CCDC88A: variants seen among roughly 807,000 people sequenced by gnomAD.
CCDC88A encodes the protein girdin.
CCDC88A carries 54 observed loss-of-function variants against 234.3 expected under a neutral mutation model. That is an observed-to-expected ratio of 0.23 (90% CI 0.19 to 0.29). The LOEUF is 0.29. Among genes scored for constraint, CCDC88A ranks in the 10% least tolerant of loss-of-function variants. The probability of loss-of-function intolerance (pLI) is 1.00; values close to 1 mark genes in which losing one functional copy is unlikely to be tolerated. For missense variants in CCDC88A, 1,832 were observed against 2,123.4 expected (o/e 0.86, Z 2.70); for synonymous variants, 753 against 737.8 (o/e 1.02, Z -0.33).
intron 9 of CCDC88A, 34 bp downstream of exon 9, chr2:55,349,484 G>C: frequency 7.9e-6 from 11 of 1,390,704 alleles, no homozygotes; most frequent in Non-Finnish European, 1.1e-5. Context: ...CAATTACTTG[G>C]TGGTCCTAAA....
chr2:55,375,520 T>C (rs1206514767), intron 3 of CCDC88A, among the ~76,000 whole-genome samples: 3 of 85,366 alleles, frequency 3.5e-5, no homozygotes, highest in African/African-American at 1.1e-4. Context: ...TATGTATGTA[T>C]GTATAAATAT....
intron 2 of CCDC88A, chr2:55,417,285 C>T (rs990056545): frequency 6.6e-6 from 1 of 151,930 alleles, no homozygotes; most frequent in African/African-American, 2.4e-5. Flanking sequence ...TTTGTGAACA[C>T]ACATTTTTAG....
rs1384089457 is a variant in CCDC88A at position 55,317,880 on chromosome 2, AGTTCAT to A, written c.3325-45_3325-40del. ...TATTGTTATCAGACATAAGAAAAACAGTTCATGTTCTTTTTCAAAATACAAGATTAC... is the reference window on the plus strand; with the variant it reads ...TATTGTTATCAGACATAAGAAAAACAGTTCTTTTTCAAAATACAAGATTAC... On this transcript the variant is annotated intron_variant, in intron 19 of 32. Coordinates refer to ENST00000436346, the MANE Select transcript of CCDC88A (RefSeq NM_001365480.1). This position sits in a 1 kb window ranked among gnomAD's most constrained non-coding sequence, Gnocchi z 4.2. 4 of 1,366,928 alleles carry A rather than the reference AGTTCAT, an allele frequency of 2.9e-6. No individual in the cohort carries two copies. Among genetic ancestry groups the A allele is most frequent in the Non-Finnish European group, 3.0e-6 (3 of 1,000,746 alleles). The allele number at this position is 1,366,928 out of a possible 1,614,324, so 84.7% of individuals were successfully genotyped here.
At chr2:55,405,530 C>T (rs1015164197) in intron 2 of CCDC88A, 3 of 152,254 alleles carry the variant, frequency 2.0e-5, no homozygotes, top group Admixed American at 6.5e-5. Context: ...AGTCAGTATA[C>T]ACATTCAGTA....
chr2:55,379,908 C>T (rs1674304949), intron 3 of CCDC88A, among the ~76,000 whole-genome samples: 1 of 149,534 alleles, frequency 6.7e-6, no homozygotes, highest in Admixed American at 6.7e-5. Context: ...AGTGAAACTC[C>T]GTCTCTAAAT....
chr2:55,334,358 C>A lies in CCDC88A; in HGVS notation c.2463G>T (p.Glu821Asp). Residue 821 changes from glutamate to aspartate, a missense_variant, in exon 15 of 33, where the codon GAG becomes GAT. This residue lies in a region of CCDC88A where 1,282 missense variants were observed against 1,543.6 expected (regional missense o/e 0.83). Transcript: ENST00000436346. This position sits in a 1 kb window ranked among gnomAD's most constrained non-coding sequence, Gnocchi z 6.1. ...CCTTTTCCAGTTGAGAAGTCTCTTG[C>A]TCTAATGATTTATTTTCTTTTTCCA... The part of the protein sequence containing the change: ...EQLEKENKSL[E>D]QETSQLEKDK... 1 of 1,558,844 alleles carries A rather than the reference C, an allele frequency of 6.4e-7. No individual in the cohort carries two copies.
intron 2 of CCDC88A, among the ~76,000 whole-genome samples, chr2:55,412,726 AAT>A (rs1680697741): frequency 6.6e-6 from 1 of 152,220 alleles, no homozygotes; most frequent in Non-Finnish European, 1.5e-5. Context: ...TAATGATAAT[AAT>A]ATAAATAAAA....
chr2:55,360,459 A>T (rs981772916), intron 7 of CCDC88A, among the ~76,000 whole-genome samples: 2 of 152,134 alleles, frequency 1.3e-5, no homozygotes, highest in African/African-American at 4.8e-5. Flanking sequence ...AGGGAAAAAA[A>T]TTTCCCGGAT....
At chr2:55,396,579 A>G (rs1031345459) in intron 2 of CCDC88A, among the ~76,000 whole-genome samples, 1 of 152,168 alleles carries the variant, frequency 6.6e-6, no homozygotes, top group African/African-American at 2.4e-5. Context: ...GACTTAAAAA[A>G]AAAGGTTGCA....
chr2:55,335,513 C>T lies in CCDC88A; in HGVS notation c.1657-349G>A, dbSNP rs1685375756. On this transcript the variant is annotated intron_variant, in intron 14 of 32. Transcript: ENST00000436346. The surrounding 1 kb of genome is among the most constrained non-coding windows in gnomAD (Gnocchi z 4.5). ...AATAGGAATACAGGTAACACACACA[C>T]ATACCTCCTTGAGAACATAAGGTTC... Among the ~76,000 whole-genome samples the T allele has an allele frequency of 6.6e-6, 1 of 152,204 alleles. No homozygotes were observed. Among genetic ancestry groups the T allele is most frequent in the Admixed American group, 6.5e-5 (1 of 15,284 alleles).
chr2:55,359,757 G>C (rs1323248757), intron 7 of CCDC88A, among the ~76,000 whole-genome samples: 2 of 151,390 alleles, frequency 1.3e-5, no homozygotes, highest in Non-Finnish European at 2.9e-5. Context: ...TTTTGAAATA[G>C]TTTGTCAGTT....
At chr2:55,346,720 G>A (rs1412694459) in intron 9 of CCDC88A, among the ~76,000 whole-genome samples, 1 of 152,062 alleles carries the variant, frequency 6.6e-6, no homozygotes, top group African/African-American at 2.4e-5. Flanking sequence ...GCACTCGGCT[G>A]ATAAATTTAC....
chr2:55,349,146 T>C (rs1353882504), intron 9 of CCDC88A: 1 of 169,128 alleles, frequency 5.9e-6, no homozygotes, highest in Non-Finnish European at 1.3e-5. Flanking sequence ...CTATTACATA[T>C]GAGTTAGCAT....
In CCDC88A at chr2:55,334,517, C is replaced by G; in HGVS notation, c.2304G>C (p.Leu768=). The G allele has an allele frequency of 6.2e-7, 1 of 1,608,686 alleles. No individual in the cohort carries two copies. Among genetic ancestry groups the G allele is most frequent in the Non-Finnish European group, 8.5e-7 (1 of 1,178,670 alleles). ...YQGLDIENQR[L]QKTLENSNKK... is the part of the protein sequence containing the mutation. ...TATTGCTGTTCTCTAAAGTTTTTTG[C>G]AGTCTTTGATTTTCTATATCTAAAC... Residue 768 remains leucine, a synonymous_variant, in exon 15 of 33, where the codon CTG becomes CTC. Transcript: ENST00000436346. This position sits in a 1 kb window ranked among gnomAD's most constrained non-coding sequence, Gnocchi z 6.1.
At chr2:55,292,995 A>G (rs894471889) in intron 31 of CCDC88A, 20 of 136,192 alleles carry the variant, frequency 1.5e-4, no homozygotes, top group African/African-American at 4.9e-4. Context: ...TATTTCTCTT[A>G]TATGCACAGT....
At chr2:55,298,949 C>G (rs1680545982) in intron 29 of CCDC88A, among the ~76,000 whole-genome samples, 1 of 151,516 alleles carries the variant, frequency 6.6e-6, no homozygotes, top group Admixed American at 6.6e-5. Context: ...CCTGTAATCC[C>G]AGCACTTTGG....
At chr2:55,402,573 T>C (rs1035726904) in intron 2 of CCDC88A, among the ~76,000 whole-genome samples, 1 of 152,208 alleles carries the variant, frequency 6.6e-6, no homozygotes, top group South Asian at 2.1e-4. Context: ...TTAAAATCCA[T>C]TGGTCTATCT....
Position 55,362,349 on chromosome 2 carries a change from G to A in CCDC88A, c.586C>T (p.His196Tyr), listed in dbSNP as rs772956921. 17 of 1,593,384 alleles carry A rather than the reference G, an allele frequency of 1.1e-5. No individual in the cohort carries two copies. Among genetic ancestry groups the A allele is most frequent in the Non-Finnish European group, 1.5e-5 (17 of 1,171,332 alleles). The change falls in exon 7 of 33, where the codon CAT becomes TAT. Residue 196 changes from histidine (H) to tyrosine (Y), a missense_variant. Physicochemically the swap from His to Tyr is moderately conservative, Grantham distance 83 (BLOSUM62 2). Transcript: ENST00000436346. ...CTCTCATCTATAAGTCTTTTTAGAT[G>A]CAATGCCATATTTTTCAAGAGTGGT... ...IEPLLKNMAL[H>Y]LKRLIDERDE...
intron 2 of CCDC88A, among the ~76,000 whole-genome samples, chr2:55,416,185 T>C (rs576101984): frequency 1.3e-5 from 2 of 151,850 alleles, no homozygotes; most frequent in African/African-American, 2.4e-5. Context: ...ACATGGAAGA[T>C]ATAAGACAAT....
Sources: allele counts gnomAD v4.1 joint callset (sites outside exome capture counted in the v4.1 genomes callset), GRCh38; gene constraint gnomAD v4.1.1; regional missense constraint gnomAD v4.1.1; non-coding constraint Gnocchi (gnomAD v3.1); transcripts MANE v1.5; gene names NCBI Gene and HGNC (gene_info 2026-07-23, HGNC 2026-07-21).